Variants in RANBP2 observed in about 807,000 individuals in gnomAD.
RANBP2 encodes the protein E3 SUMO-protein ligase RanBP2.
RANBP2 carries 57 observed loss-of-function variants against 303.6 expected under a neutral mutation model. That is an observed-to-expected ratio of 0.19 (90% confidence interval 0.15 to 0.23). The LOEUF is 0.23. Among genes scored for constraint, RANBP2 ranks in the 10% least tolerant of loss-of-function variants. The pLI is 1.00. For synonymous variants in RANBP2, 1,167 were observed against 1,301.5 expected (o/e 0.90, Z 2.23); for missense variants, 3,138 against 3,780.8 (o/e 0.83, Z 4.46).
At chr2:109,071,223 T>C in the RANBP2 span, among the ~76,000 whole-genome samples, 1 of 152,150 alleles carries the variant, frequency 6.6e-6, no homozygotes, top group Non-Finnish European at 1.5e-5. Flanking sequence ...TCACAAACTG[T>C]AATGGAAAAG....
chr2:109,564,421 A>G, the RANBP2 span: 1 of 1,595,626 alleles, frequency 6.3e-7, no homozygotes, highest in Non-Finnish European at 8.6e-7. Flanking sequence ...TCCAGTTTGC[A>G]GCGCCTGTAA....
At chr2:108,738,476 T>C (rs1346076757) in intron 6 of RANBP2, among the ~76,000 whole-genome samples, 1 of 152,060 alleles carries the variant, frequency 6.6e-6, no homozygotes, top group East Asian at 1.9e-4. Flanking sequence ...CCGCTTGCCT[T>C]GGCCTTCCAA....
the RANBP2 span, among the ~76,000 whole-genome samples, chr2:109,413,711 T>C: frequency 6.6e-6 from 1 of 152,208 alleles, no homozygotes; most frequent in Non-Finnish European, 1.5e-5. Context: ...CCACACAGCA[T>C]AGACATGTCA....
At chr2:109,105,103 G>T in the RANBP2 span, among the ~76,000 whole-genome samples, 1 of 152,156 alleles carries the variant, frequency 6.6e-6, no homozygotes, top group Non-Finnish European at 1.5e-5. Flanking sequence ...ACAATAATTG[G>T]TCGCAGCTGG....
At chr2:109,323,046 T>C in the RANBP2 span, among the ~76,000 whole-genome samples, 1 of 152,300 alleles carries the variant, frequency 6.6e-6, no homozygotes, top group African/African-American at 2.4e-5. Flanking sequence ...CTCGTTGAAA[T>C]GTTTTATCAG....
At chr2:109,698,720 T>A in the RANBP2 span, among the ~76,000 whole-genome samples, 1 of 152,084 alleles carries the variant, frequency 6.6e-6, no homozygotes, top group Non-Finnish European at 1.5e-5. Flanking sequence ...TTGCTGTATT[T>A]GTGAATTTTA....
At chr2:109,676,240 G>A in the RANBP2 span, among the ~76,000 whole-genome samples, 2 of 152,220 alleles carry the variant, frequency 1.3e-5, no homozygotes, top group African/African-American at 4.8e-5. Flanking sequence ...CCTGGAAGGT[G>A]TGAGTGAGCC....
the RANBP2 span, among the ~76,000 whole-genome samples, chr2:109,474,670 C>T: frequency 1.2e-4 from 19 of 152,348 alleles, no homozygotes; most frequent in South Asian, 1.2e-3. Context: ...TGGACAGCAT[C>T]GGGCCAGCCC....
chr2:109,420,256 C>T, the RANBP2 span, among the ~76,000 whole-genome samples: 3 of 152,154 alleles, frequency 2.0e-5, no homozygotes, highest in East Asian at 1.9e-4. Context: ...ATTAGACTCC[C>T]TTTTGCTCTT....
the RANBP2 span, among the ~76,000 whole-genome samples, chr2:109,349,189 G>A: frequency 3.3e-5 from 5 of 152,104 alleles, no homozygotes; most frequent in Admixed American, 6.5e-5. Flanking sequence ...TCTGGAGGGC[G>A]GTAGGAGAAC....
the RANBP2 span, among the ~76,000 whole-genome samples, chr2:108,925,190 T>TATTGGTCCCGCTCCTGGG: frequency 1.3e-5 from 2 of 152,260 alleles, no homozygotes; most frequent in South Asian, 2.1e-4. Context: ...TGTTCACGTC[T>TATTGGTCCCGCTCCTGGG]CTATTCCTTG....
At chr2:109,249,513 CTTTCTTTTT>C in the RANBP2 span, among the ~76,000 whole-genome samples, 1 of 43,622 alleles carries the variant, frequency 2.3e-5, no homozygotes, top group Non-Finnish European at 4.3e-5. Flanking sequence ...TTCTTTCATT[CTTTCTTTTT>C]CTTTCTTTCT....
At chr2:109,645,249 C>T in the RANBP2 span, among the ~76,000 whole-genome samples, 1 of 152,204 alleles carries the variant, frequency 6.6e-6, no homozygotes. Flanking sequence ...TGTAAATTAG[C>T]TTACAGAGTG....
At chr2:109,337,952 G>A in the RANBP2 span, among the ~76,000 whole-genome samples, 1 of 151,968 alleles carries the variant, frequency 6.6e-6, no homozygotes, top group South Asian at 2.1e-4. Flanking sequence ...GGCTGGTCTG[G>A]AACTCCTGAG....
At position 108,763,494 on chromosome 2, in the gene RANBP2, G is replaced by A. The variant is rs61748147; in HGVS notation, c.2955G>A (p.Pro985=). 11,256 of 1,614,010 alleles carry A rather than the reference G, an allele frequency of 7.0e-3. 92 individuals are homozygous for A. Among genetic ancestry groups the A allele is most frequent in the East Asian group, 0.033 (1,477 of 44,884 alleles). Residue 985 remains proline, a synonymous_variant, in exon 20 of 29, where the codon CCG becomes CCA. Coordinates refer to ENST00000283195, the MANE Select transcript of RANBP2 (RefSeq NM_006267.5). ...AACCAGGATATTTCACAAAACCTCC[G>A]ATTGCAGCTCATGCTTCAAGATCTG... ...LPEPGYFTKP[P]IAAHASRSAE...
the RANBP2 span, among the ~76,000 whole-genome samples, chr2:109,318,988 A>T: frequency 1.3e-5 from 2 of 152,238 alleles, no homozygotes; most frequent in Non-Finnish European, 2.9e-5. Flanking sequence ...GTCCCAGAAC[A>T]GATCAAAGCC....
At chr2:109,371,442 G>C in the RANBP2 span, 1 of 600,636 alleles carries the variant, frequency 1.7e-6, no homozygotes, top group African/African-American at 1.8e-5. Flanking sequence ...GAAGATGTCA[G>C]ATACCTGAAT....
the RANBP2 span, among the ~76,000 whole-genome samples, chr2:109,486,220 T>C: frequency 7.9e-5 from 12 of 152,368 alleles, no homozygotes; most frequent in African/African-American, 2.6e-4. Flanking sequence ...GATTGATCAC[T>C]TCCTATGTTC....
the RANBP2 span, chr2:109,667,090 A>G: frequency 1.3e-5 from 11 of 852,968 alleles, no homozygotes; most frequent in African/African-American, 1.7e-5. Context: ...CACATAGATC[A>G]TAATCTAAAT....
Sources: allele counts gnomAD v4.1 joint callset (sites outside exome capture counted in the v4.1 genomes callset), GRCh38; gene constraint gnomAD v4.1.1; transcripts MANE v1.5; gene names NCBI Gene and HGNC (gene_info 2026-07-23, HGNC 2026-07-21).